Variants in LENG8 observed in about 807,000 individuals in gnomAD.
The protein encoded by LENG8 is leukocyte receptor cluster (LRC) member 8.
In LENG8, 28 loss-of-function variants were observed where a neutral mutation model predicts 102.1. The observed-to-expected ratio is 0.27, with a 90% CI of 0.20 to 0.38. The LOEUF (loss-of-function observed/expected upper bound fraction) is 0.38. LENG8 is among the 10% of genes least tolerant of loss of function. LENG8 has a pLI of 1.00. For missense variants in LENG8, 1,022 were observed against 1,113.9 expected (o/e 0.92, Z 1.17); for synonymous variants, 531 against 456.7 (o/e 1.16, Z -2.07).
Position 54,456,631 on chromosome 19 carries a change from C to T in LENG8, c.1446-5C>T. On this transcript the variant is annotated splice_polypyrimidine_tract_variant and splice_region_variant and intron_variant, in intron 10 of 15. Coordinates refer to ENST00000326764, the MANE Select transcript of LENG8 (RefSeq NM_052925.4). ...TCGCGCTCACTGCCCCTCATCCCTTCCTAGGCACGATCTGGCGCCCACCAA... is the reference window on the plus strand; with the variant it reads ...TCGCGCTCACTGCCCCTCATCCCTTTCTAGGCACGATCTGGCGCCCACCAA... 1 of 1,606,634 alleles carries T rather than the reference C, an allele frequency of 6.2e-7. No homozygotes were observed. The highest frequency in any genetic ancestry group is 8.5e-7 in the Non-Finnish European group (1 of 1,175,758).
rs137967592 is a variant in LENG8, at chr19:54,458,823, C to T, written c.2240+302C>T. ...TTCCTCCTGTTCTCTCCTGCCTGGACCCCCTAGTTCACTCCTTGCCCTGGG... is the reference window on the plus strand; with the variant it reads ...TTCCTCCTGTTCTCTCCTGCCTGGATCCCCTAGTTCACTCCTTGCCCTGGG... On this transcript the variant is annotated intron_variant, in intron 15 of 15. Coordinates refer to ENST00000326764, the MANE Select transcript of LENG8 (RefSeq NM_052925.4). 140 of 1,551,026 alleles carry T rather than the reference C, an allele frequency of 9.0e-5. 1 individual carries two copies. The African/African-American group carries it at 1.7e-3, about 19-fold the overall frequency.
rs375390718 is a variant in LENG8, at chr19:54,456,227, C to T, written c.1286C>T (p.Thr429Met). Reference protein sequence around the residue: ...SRSRSSSRSPTRHFRRSDSHS... With the variant: ...SRSRSSSRSPMRHFRRSDSHS... ...TCCCGCTCCTCCTCCAGGTCCCCGA[C>T]GCGCCACTTCCGCAGAAGGTACTGA... The change falls in exon 9 of 16, where the codon ACG (threonine) becomes ATG (methionine). Residue 429 changes from threonine to methionine, a missense_variant. This residue lies in a region of LENG8 where 326 missense variants were observed against 324.5 expected (regional missense o/e 1.00). Coordinates refer to ENST00000326764, the MANE Select transcript of LENG8 (RefSeq NM_052925.4). The T allele has an allele frequency of 1.6e-5, 26 of 1,613,102 alleles. No individual in the cohort carries two copies. Among genetic ancestry groups the T allele is most frequent in the African/African-American group, 9.3e-5 (7 of 74,906 alleles).
intron 5 of LENG8, 100 bp from the exon 6 acceptor site, chr19:54,454,330 G>A: frequency 8.1e-7 from 1 of 1,228,070 alleles, no homozygotes; most frequent in Non-Finnish European, 1.1e-6. Context: ...AGGGTTGAGT[G>A]CTGAGTGCTG....
chr19:54,460,500 G>C, intron 15 of LENG8: 1 of 1,367,900 alleles, frequency 7.3e-7, no homozygotes, highest in Non-Finnish European at 9.4e-7. Context: ...GAGCCCGCTG[G>C]GCCCTTCCCT....
In LENG8 at chr19:54,456,744, C is replaced by T. The variant is rs770764339; in HGVS notation, c.1554C>T (p.His518=). Residue 518 remains histidine (H), a synonymous_variant, in exon 11 of 16, where the codon CAC becomes CAT. Coordinates refer to ENST00000326764, the MANE Select transcript of LENG8 (RefSeq NM_052925.4). ...KKQKRAARFQ[H]GHSRRLRLEP... The stretch of plus-strand genomic sequence containing the variant: ...AGAAGCGGGCAGCCCGCTTCCAGCA[C>T]GGACACTCCCGCCGCCTGCGCCTCG... 38 of 1,611,712 alleles carry T rather than the reference C, an allele frequency of 2.4e-5. No individual in the cohort carries two copies. The highest frequency in any genetic ancestry group is 5.3e-5 in the African/African-American group (4 of 74,910).
rs1033583489 is a variant in LENG8 at position 54,452,682 on chromosome 19, A to T, written c.245A>T (p.Gln82Leu). 6.2e-7 allele frequency: 1 copy of T among 1,607,542 alleles called. No individual in the cohort carries two copies. Among genetic ancestry groups the T allele is most frequent in the Non-Finnish European group, 8.5e-7 (1 of 1,174,394 alleles). The change falls in exon 4 of 16, where the codon CAG becomes CTG. Residue 82 changes from glutamine to leucine, a missense_variant. Transcript: ENST00000326764. ...TCCCAGGCAGAAGCCTCAGCTTTGC[A>T]GCAGCAGCAGTACTACCAGTGGTAC... ...YVSQAEASAL[Q>L]QQQYYQWYQQ...
Position 54,456,654 on chromosome 19 carries a change from C to T in LENG8, c.1464C>T (p.Thr488=). ...TTCCTAGGCACGATCTGGCGCCCACCAAGCGCAGTCGAAAGAAGATGGCGG... is the reference window on the plus strand; with the variant it reads ...TTCCTAGGCACGATCTGGCGCCCACTAAGCGCAGTCGAAAGAAGATGGCGG... ...QRGKRHDLAP[T]KRSRKKMAAL... The change falls in exon 11 of 16, where the codon ACC becomes ACT. Residue 488 remains threonine, a synonymous_variant. Coordinates refer to ENST00000326764, the MANE Select transcript of LENG8 (RefSeq NM_052925.4). 1 of 1,612,096 alleles carries T rather than the reference C, an allele frequency of 6.2e-7. No homozygotes were observed. The highest frequency in any genetic ancestry group is 8.5e-7 in the Non-Finnish European group (1 of 1,179,140).
At chr19:54,453,410 G>A in intron 4 of LENG8, 136 bp from the exon 5 acceptor site, 1 of 637,914 alleles carries the variant, frequency 1.6e-6, no homozygotes, top group South Asian at 1.7e-5. Flanking sequence ...ATGAGAGGAT[G>A]TGGTGCATTA....
chr19:54,460,647 G>C, intron 15 of LENG8, 119 bp from the exon 16 acceptor site: 1 of 1,439,466 alleles, frequency 6.9e-7, no homozygotes, highest in South Asian at 1.5e-5. Flanking sequence ...TGGGGAGCCA[G>C]CAGGCACTGT....
At chr19:54,453,745 C>G (rs960826239) in intron 5 of LENG8, 89 bp downstream of exon 5, 3 of 877,820 alleles carry the variant, frequency 3.4e-6, no homozygotes, top group Admixed American at 4.6e-5. Context: ...GGCTTGTACT[C>G]CTTAAGCTGC....
At chr19:54,452,870 A>T in intron 4 of LENG8, 118 bp downstream of exon 4, 1 of 732,732 alleles carries the variant, frequency 1.4e-6, no homozygotes, top group Non-Finnish European at 2.4e-6. Context: ...GATCGCAGTG[A>T]TAACTGCTCA....
At chr19:54,457,719 C>G (rs375747140) in intron 11 of LENG8, 28 bp from the exon 12 acceptor site, 49 of 1,520,294 alleles carry the variant, frequency 3.2e-5, no homozygotes, top group Non-Finnish European at 4.4e-5. Flanking sequence ...AGTTGTACTC[C>G]GAGTGTGAAT....
Position 54,455,593 on chromosome 19 carries a change from G to C in LENG8, c.1025+26G>C, listed in dbSNP as rs746419613. On this transcript the variant is annotated intron_variant, in intron 8 of 15. Coordinates refer to ENST00000326764, the MANE Select transcript of LENG8 (RefSeq NM_052925.4). ...GTTAGTCTGGGTGGGGGACATAGGTGGGAGGGTGGTGCTGTGAGAGGCATG... is the reference window on the plus strand; with the variant it reads ...GTTAGTCTGGGTGGGGGACATAGGTCGGAGGGTGGTGCTGTGAGAGGCATG... 9 of 1,587,064 alleles carry C rather than the reference G, an allele frequency of 5.7e-6. No individual in the cohort carries two copies. In the East Asian group the frequency reaches 2.0e-4, roughly 36 times the overall value.
chr19:54,456,607 C>T (rs73606796), intron 10 of LENG8, 29 bp from the exon 11 acceptor site: 18 of 1,588,884 alleles, frequency 1.1e-5, no homozygotes, highest in African/African-American at 8.1e-5. Context: ...AGACGCCTGT[C>T]GCGCTCACTG....
chr19:54,454,728 T>C (rs3813146), intron 6 of LENG8, 46 bp downstream of exon 6: 1,019,335 of 1,534,628 alleles, frequency 0.66, 340,675 homozygotes, highest in African/African-American at 0.86. Context: ...TGGGCCCTCA[T>C]AAGAGCTCCT....
intron 1 of LENG8, among the ~76,000 whole-genome samples, chr19:54,449,956 C>CA (rs1474191513): frequency 6.6e-6 from 1 of 152,140 alleles, no homozygotes; most frequent in African/African-American, 2.4e-5. Context: ...TAGGGCTTTT[C>CA]CCCAGCTCCA....
chr19:54,452,302 C>T (rs998088723), intron 3 of LENG8, 35 bp downstream of exon 3: 3 of 1,561,362 alleles, frequency 1.9e-6, no homozygotes, highest in Non-Finnish European at 1.7e-6. Context: ...GTACCCTGAG[C>T]CAGAGGTTGT....
At chr19:54,459,185 G>T in intron 15 of LENG8, 1 of 1,186,882 alleles carries the variant, frequency 8.4e-7, no homozygotes, top group South Asian at 3.1e-5. Context: ...GTCAAGAGAG[G>T]TTTTCGCTTG....
rs371522173 is a variant in LENG8, at chr19:54,457,764, G to A, written c.1749G>A (p.Leu583=). The A allele has an allele frequency of 3.3e-5, 53 of 1,613,844 alleles. 1 individual carries two copies. In the Middle Eastern group the frequency reaches 9.9e-4, roughly 30 times the overall value. The change falls in exon 12 of 16, where the codon CTG becomes CTA. Residue 583 remains leucine (L), a synonymous_variant. Coordinates refer to ENST00000326764, the MANE Select transcript of LENG8 (RefSeq NM_052925.4). ...TTTTTCAGGTTTTGAAAAAGTCGCT[G>A]TGCATGGTCAAGTGCCACTGGAAAG... ...VRPVAVLKKS[L]CMVKCHWKEK...
Sources: gnomAD v4.1 joint callset for allele counts (sites outside exome capture counted in the v4.1 genomes callset) on GRCh38, gnomAD v4.1.1 for gene constraint, gnomAD v4.1.1 regional missense constraint, MANE v1.5 for transcripts, NCBI Gene and HGNC (gene_info 2026-07-23, HGNC 2026-07-21) for gene names.